Variants in ZNF536 observed in about 807,000 individuals in gnomAD.
ZNF536 encodes zinc finger protein 536.
A neutral mutation model predicts 84.5 loss-of-function variants in ZNF536; 13 were observed. That is an observed-to-expected ratio of 0.15 (90% CI 0.10 to 0.24). The LOEUF is 0.24. Among genes scored for constraint, ZNF536 ranks in the 10% least tolerant of loss-of-function variants. ZNF536 has a pLI of 1.00. For synonymous variants in ZNF536, 811 were observed against 742.5 expected (o/e 1.09, Z -1.50); for missense variants, 1,536 against 1,747.5 (o/e 0.88, Z 2.16).
At chr19:30,344,999 T>C (rs982385068) in intron 2 of ZNF536, among the ~76,000 whole-genome samples, 1 of 152,258 alleles carries the variant, frequency 6.6e-6, no homozygotes, top group Non-Finnish European at 1.5e-5. Flanking sequence ...TATCTTTTAA[T>C]ATAGCATCAA....
At chr19:30,377,012 G>T (rs1442254659) in intron 1 of ZNF536, among the ~76,000 whole-genome samples, 2 of 152,330 alleles carry the variant, frequency 1.3e-5, no homozygotes, top group South Asian at 2.1e-4. Context: ...AGGCTGGCAG[G>T]CATGCTGGGC....
intron 1 of ZNF536, among the ~76,000 whole-genome samples, chr19:30,372,774 C>A (rs2048657866): frequency 6.6e-6 from 1 of 151,942 alleles, no homozygotes; most frequent in Non-Finnish European, 1.5e-5. Context: ...AGAAAGGGAC[C>A]ATCCGATGGT....
upstream of ZNF536, among the ~76,000 whole-genome samples, chr19:30,367,519 C>T (rs973921249): frequency 3.9e-5 from 6 of 152,180 alleles, no homozygotes; most frequent in Non-Finnish European, 5.9e-5. Flanking sequence ...CTGCACGCCC[C>T]ATGCATGGCA....
At position 30,444,813 on chromosome 19, in the gene ZNF536, C is replaced by T. The variant is rs7256870; in HGVS notation, c.1251C>T (p.Gly417=). Residue 417 remains glycine, a synonymous_variant, in exon 2 of 5, where the codon GGC becomes GGT. Transcript: ENST00000355537. Reference sequence around the variant, plus strand: ...CCGAGGTGCCTGTGCCCATGGGCGGCATGTCCCAGGAGGCCCACGCCAACC... The same window carrying T: ...CCGAGGTGCCTGTGCCCATGGGCGGTATGTCCCAGGAGGCCCACGCCAACC... The part of the protein sequence containing the change: ...SDPEVPVPMG[G]MSQEAHANLY... The T allele has an allele frequency of 4.3e-6, 7 of 1,613,880 alleles. No homozygotes were observed. The highest frequency in any genetic ancestry group is 5.9e-6 in the Non-Finnish European group (7 of 1,180,040).
Position 30,454,961 on chromosome 19 carries a change from A to G in ZNF536, c.2170+9229A>G, listed in dbSNP as rs7250155. On this transcript the variant is annotated intron_variant, in intron 2 of 4. Coordinates refer to ENST00000355537, the MANE Select transcript of ZNF536 (RefSeq NM_014717.3). ...GGCAGGAGAATCGCTTGAATCCGGGAGGAGGAGGTTGCGGTGAGCCGAGAT... is the reference window on the plus strand; with the variant it reads ...GGCAGGAGAATCGCTTGAATCCGGGGGGAGGAGGTTGCGGTGAGCCGAGAT... Among the ~76,000 whole-genome samples the G allele has an allele frequency of 5.6e-3, 855 of 152,312 alleles. 7 individuals are homozygous for G. The highest frequency in any genetic ancestry group is 0.019 in the African/African-American group (800 of 41,572).
At chr19:30,405,415 C>T (rs923985425) in intron 1 of ZNF536, among the ~76,000 whole-genome samples, 3 of 152,104 alleles carry the variant, frequency 2.0e-5, no homozygotes, top group Non-Finnish European at 2.9e-5. Flanking sequence ...ATAATAACAC[C>T]GCACTGCTAC....
chr19:30,524,344 C>T (rs896127005), intron 2 of ZNF536, among the ~76,000 whole-genome samples: 15 of 152,180 alleles, frequency 9.9e-5, no homozygotes, highest in African/African-American at 3.4e-4. Context: ...TACTAGATGA[C>T]TTTTACAATA....
chr19:30,410,301 C>T (rs1264477391), intron 1 of ZNF536, among the ~76,000 whole-genome samples: 12 of 151,900 alleles, frequency 7.9e-5, no homozygotes, highest in Non-Finnish European at 1.3e-4. Context: ...TCACACATTG[C>T]ACACATATTC....
chr19:30,380,871 A>T (rs1194106873), intron 1 of ZNF536, among the ~76,000 whole-genome samples: 1 of 151,978 alleles, frequency 6.6e-6, no homozygotes. Flanking sequence ...ATATATTGTT[A>T]CATATTTTTA....
In ZNF536 at chr19:30,505,346, A is replaced by C. The variant is rs61096612; in HGVS notation, c.2171-29501A>C. On this transcript the variant is annotated intron_variant, in intron 2 of 4. Coordinates refer to ENST00000355537, the MANE Select transcript of ZNF536 (RefSeq NM_014717.3). ...TTATTATAATATATATTTTATGATAATAAATATATATTATAATGATATATG... is the reference window on the plus strand; with the variant it reads ...TTATTATAATATATATTTTATGATACTAAATATATATTATAATGATATATG... 7.6e-3 allele frequency among the ~76,000 whole-genome samples: 1,095 copies of C among 144,526 alleles called. 18 individuals are homozygous for C. The highest frequency in any genetic ancestry group is 0.026 in the African/African-American group (1,048 of 40,476). The allele number at this position is 144,526 out of a possible 152,430, so 94.8% of individuals were successfully genotyped here. A position where few individuals can be genotyped will look rare whatever the true frequency, so the allele number is the denominator to read the frequency against.
At chr19:30,439,008 A>G (rs150555711) in intron 1 of ZNF536, among the ~76,000 whole-genome samples, 1,654 of 152,226 alleles carry the variant, frequency 0.011, 13 homozygotes, top group Non-Finnish European at 0.016. Flanking sequence ...CACTTCCTCC[A>G]GCCCCATGAG....
chr19:30,597,574 T>C (rs1269155022), intron 1 of ZNF536, among the ~76,000 whole-genome samples: 2 of 152,228 alleles, frequency 1.3e-5, no homozygotes, highest in African/African-American at 4.8e-5. Flanking sequence ...ATCTGAAACC[T>C]GGCTCTTCTG....
intron 2 of ZNF536, among the ~76,000 whole-genome samples, chr19:30,336,108 C>T (rs1451263085): frequency 1.3e-5 from 2 of 152,190 alleles, no homozygotes; most frequent in Non-Finnish European, 2.9e-5. Context: ...CCAGGCTGGT[C>T]AGTGCCTACT....
At chr19:30,259,320 T>A (rs1173011325) in intron 1 of ZNF536, among the ~76,000 whole-genome samples, 1 of 152,182 alleles carries the variant, frequency 6.6e-6, no homozygotes, top group Non-Finnish European at 1.5e-5. Flanking sequence ...AAGGGATACA[T>A]CAGGGAGCAG....
chr19:30,549,626 T>C (rs1271102220), intron 4 of ZNF536, 112 bp downstream of exon 4: 1 of 1,277,854 alleles, frequency 7.8e-7, no homozygotes, highest in African/African-American at 1.5e-5. Context: ...AATGAAATAT[T>C]TGAAAAAACC....
chr19:30,584,767 G>A (rs2047039652), intron 1 of ZNF536, among the ~76,000 whole-genome samples: 1 of 152,178 alleles, frequency 6.6e-6, no homozygotes, highest in South Asian at 2.1e-4. Flanking sequence ...CTGCAGCTTA[G>A]GAAATTGTCT....
chr19:30,274,983 A>T (rs2026048236), intron 1 of ZNF536, among the ~76,000 whole-genome samples: 2 of 152,060 alleles, frequency 1.3e-5, no homozygotes, highest in African/African-American at 4.8e-5. Context: ...AATTTTCTGG[A>T]TTTTTCCCCC....
At chr19:30,490,150 C>T (rs941421433) in intron 2 of ZNF536, among the ~76,000 whole-genome samples, 1 of 151,898 alleles carries the variant, frequency 6.6e-6, no homozygotes. Context: ...AGGATAAAAG[C>T]CATTGCTAAC....
At chr19:30,318,584 T>A (rs1289497040) in intron 2 of ZNF536, among the ~76,000 whole-genome samples, 3 of 152,276 alleles carry the variant, frequency 2.0e-5, no homozygotes, top group East Asian at 3.8e-4. Flanking sequence ...CACCTCTGAC[T>A]CTGTGTGCAG....
Sources: allele counts gnomAD v4.1 joint callset (sites outside exome capture counted in the v4.1 genomes callset), GRCh38; gene constraint gnomAD v4.1.1; transcripts MANE v1.5; gene names NCBI Gene and HGNC (gene_info 2026-07-23, HGNC 2026-07-21).